LOC128462377: variants seen among roughly 807,000 people sequenced by gnomAD.
At chr16:89,417,397 A>G in the LOC128462377 span, among the ~76,000 whole-genome samples, 3 of 152,216 alleles carry the variant, frequency 2.0e-5, no homozygotes, top group East Asian at 3.8e-4. Context: ...GTCAATCCAC[A>G]TATCAGAGAA....
chr16:89,350,959 G>C, the LOC128462377 span, among the ~76,000 whole-genome samples: 1 of 152,214 alleles, frequency 6.6e-6, no homozygotes, highest in African/African-American at 2.4e-5. Flanking sequence ...TAGCTTAGGT[G>C]TGTGGGAGGC....
chr16:89,401,259 AGT>A, the LOC128462377 span, among the ~76,000 whole-genome samples: 1 of 152,088 alleles, frequency 6.6e-6, no homozygotes, highest in African/African-American at 2.4e-5. Flanking sequence ...TTGGATTTTT[AGT>A]AGAGACCGGG....
the LOC128462377 span, among the ~76,000 whole-genome samples, chr16:89,389,884 G>A: frequency 5.2e-5 from 7 of 133,652 alleles, no homozygotes; most frequent in African/African-American, 1.5e-4. Context: ...GGCGAACACC[G>A]AGTGTGGCGG....
chr16:89,324,137 A>T, the LOC128462377 span: 2 of 890,488 alleles, frequency 2.2e-6, no homozygotes, highest in Non-Finnish European at 3.0e-6. Flanking sequence ...AACGCTCTCT[A>T]CTGCAGCCCT....
At chr16:89,402,392 C>T in the LOC128462377 span, among the ~76,000 whole-genome samples, 2 of 152,034 alleles carry the variant, frequency 1.3e-5, no homozygotes, top group East Asian at 1.9e-4. Context: ...TCGGTAGGCA[C>T]ATCAATTTAA....
At chr16:89,341,709 G>T in the LOC128462377 span, among the ~76,000 whole-genome samples, 1 of 152,230 alleles carries the variant, frequency 6.6e-6, no homozygotes, top group East Asian at 1.9e-4. Context: ...TCTGCATAAT[G>T]ATATACCTAC....
At chr16:89,340,628 T>G in the LOC128462377 span, among the ~76,000 whole-genome samples, 1 of 152,210 alleles carries the variant, frequency 6.6e-6, no homozygotes, top group African/African-American at 2.4e-5. Flanking sequence ...AAACAGTACT[T>G]TGCACATCAT....
the LOC128462377 span, among the ~76,000 whole-genome samples, chr16:89,411,237 G>T: frequency 6.6e-6 from 1 of 152,224 alleles, no homozygotes; most frequent in Non-Finnish European, 1.5e-5. Context: ...TGCCACCACG[G>T]GGGCCCAGGG....
chr16:89,368,682 A>G, the LOC128462377 span, among the ~76,000 whole-genome samples: 1 of 151,778 alleles, frequency 6.6e-6, no homozygotes, highest in Non-Finnish European at 1.5e-5. Flanking sequence ...CTGAAGTGCT[A>G]TAATTGCTTC....
At chr16:89,397,270 C>T in the LOC128462377 span, among the ~76,000 whole-genome samples, 5 of 152,236 alleles carry the variant, frequency 3.3e-5, no homozygotes, top group African/African-American at 1.2e-4. Flanking sequence ...ACCTCCAGGA[C>T]AGACACCAGC....
the LOC128462377 span, among the ~76,000 whole-genome samples, chr16:89,406,301 G>T: frequency 9.2e-5 from 14 of 152,168 alleles, no homozygotes; most frequent in African/African-American, 3.1e-4. Flanking sequence ...CAACGGCACT[G>T]ACAGAAGCAC....
the LOC128462377 span, chr16:89,317,224 G>T: frequency 4.5e-6 from 3 of 673,954 alleles, no homozygotes; most frequent in African/African-American, 5.3e-5. Flanking sequence ...GCCCAGGAAG[G>T]GACTTCTCAG....
chr16:89,364,056 C>T, the LOC128462377 span, among the ~76,000 whole-genome samples: 1 of 139,462 alleles, frequency 7.2e-6, no homozygotes, highest in African/African-American at 2.6e-5. Context: ...CCAAGTGACA[C>T]GCTGATTTAA....
At chr16:89,415,428 C>A in the LOC128462377 span, among the ~76,000 whole-genome samples, 1 of 150,752 alleles carries the variant, frequency 6.6e-6, no homozygotes, top group Non-Finnish European at 1.5e-5. Flanking sequence ...CCATGCCCGG[C>A]TAATTTTTTG....
At chr16:89,416,358 G>T in the LOC128462377 span, among the ~76,000 whole-genome samples, 1 of 151,972 alleles carries the variant, frequency 6.6e-6, no homozygotes, top group South Asian at 2.1e-4. Flanking sequence ...CAAGTGCGGT[G>T]TTGTGATCTT....
At chr16:89,395,182 T>TA in the LOC128462377 span, among the ~76,000 whole-genome samples, 1 of 152,188 alleles carries the variant, frequency 6.6e-6, no homozygotes, top group Non-Finnish European at 1.5e-5. Context: ...TCTAAAAAGT[T>TA]AGAGGCTTGG....
At chr16:89,347,607 T>TAAA in the LOC128462377 span, among the ~76,000 whole-genome samples, 37 of 127,338 alleles carry the variant, frequency 2.9e-4, no homozygotes, top group East Asian at 1.2e-3. Flanking sequence ...CGAGACTCCG[T>TAAA]AAAAAAAAAA....
the LOC128462377 span, chr16:89,320,292 C>G: frequency 6.6e-6 from 1 of 152,274 alleles, no homozygotes; most frequent in African/African-American, 2.4e-5. Context: ...AGACTCTTCC[C>G]TGGAAGGTGA....
At chr16:89,358,748 G>C in the LOC128462377 span, among the ~76,000 whole-genome samples, 1 of 152,140 alleles carries the variant, frequency 6.6e-6, no homozygotes. Context: ...CCCAGCCCTA[G>C]ATAACCCCAC....
Sources: allele counts gnomAD v4.1 joint callset (sites outside exome capture counted in the v4.1 genomes callset), GRCh38; gene constraint gnomAD v4.1.1; transcripts MANE v1.5.